TBX20: variants seen among roughly 807,000 people sequenced by gnomAD.
TBX20 encodes T-box transcription factor 20, also known as T-box transcription factor TBX20.
TBX20 carries 8 observed loss-of-function variants against 42.9 expected under a neutral mutation model. That is an observed-to-expected ratio of 0.19 (90% CI 0.11 to 0.34). The LOEUF is 0.34. Among genes scored for constraint, TBX20 ranks in the 10% least tolerant of loss-of-function variants. TBX20 has a pLI of 1.00. For missense variants in TBX20, 411 were observed against 566.0 expected, an observed-to-expected ratio of 0.73 and a Z score of 2.78; for synonymous variants, 198 against 222.8, an observed-to-expected ratio of 0.89 and a Z score of 0.99.
chr7:35,247,165 C>CAAAAAAAA (rs757916672), intron 3 of TBX20, among the ~76,000 whole-genome samples: 1 of 79,636 alleles, frequency 1.3e-5, no homozygotes. Context: ...GACTGGAGGG[C>CAAAAAAAA]AAAAAAAAAA....
intron 6 of TBX20, among the ~76,000 whole-genome samples, chr7:35,219,609 C>T (rs2020316): frequency 0.1 from 10,541 of 104,802 alleles, no homozygotes; most frequent in East Asian, 0.27. Flanking sequence ...TAAGGAAACA[C>T]GCTTTGAAAA....
At chr7:35,233,111 C>T (rs1317804501) in intron 5 of TBX20, among the ~76,000 whole-genome samples, 2 of 152,186 alleles carry the variant, frequency 1.3e-5, no homozygotes, top group East Asian at 1.9e-4. Flanking sequence ...ACTGTTAACA[C>T]GTGAGGAATT....
intron 1 of TBX20, among the ~76,000 whole-genome samples, chr7:35,252,560 G>A (rs945787673): frequency 2.6e-5 from 4 of 152,036 alleles, no homozygotes; most frequent in Non-Finnish European, 5.9e-5. Context: ...TTAAGTGTGG[G>A]AAGGACAGAG....
intron 4 of TBX20, among the ~76,000 whole-genome samples, chr7:35,241,792 C>A (rs1021712431): frequency 6.6e-6 from 1 of 152,196 alleles, no homozygotes; most frequent in Non-Finnish European, 1.5e-5. Context: ...CATAAACACA[C>A]CCTTGTTAAC....
chr7:35,240,514 G>C (rs2908053), intron 5 of TBX20, among the ~76,000 whole-genome samples: 2 of 152,298 alleles, frequency 1.3e-5, no homozygotes, highest in South Asian at 4.2e-4. Flanking sequence ...GTGTTTAATT[G>C]AGCAGAGAAA....
intron 6 of TBX20, among the ~76,000 whole-genome samples, chr7:35,206,335 G>A (rs1344579646): frequency 6.6e-6 from 1 of 152,206 alleles, no homozygotes; most frequent in Non-Finnish European, 1.5e-5. Flanking sequence ...ATCACCCAAG[G>A]TCAGGAGTTC....
chr7:35,234,061 T>C (rs1789917237), intron 5 of TBX20, among the ~76,000 whole-genome samples: 1 of 152,166 alleles, frequency 6.6e-6, no homozygotes, highest in South Asian at 2.1e-4. Context: ...ATTTATAAAA[T>C]TGAAAAGTAA....
At chr7:35,206,673 G>A (rs1221242203) in intron 6 of TBX20, among the ~76,000 whole-genome samples, 1 of 152,166 alleles carries the variant, frequency 6.6e-6, no homozygotes, top group Non-Finnish European at 1.5e-5. Context: ...GCTTCCTCAA[G>A]CTCCTATGCT....
intron 6 of TBX20, among the ~76,000 whole-genome samples, chr7:35,207,834 T>C (rs1207921): frequency 1 from 152,094 of 152,308 alleles, 75,942 homozygotes; most frequent in Middle Eastern, 1. Context: ...GTCTTGATTA[T>C]TGTAGCTGAA....
intron 5 of TBX20, 90 bp from the exon 6 acceptor site, chr7:35,231,670 A>T: frequency 2.4e-6 from 2 of 847,348 alleles, no homozygotes; most frequent in South Asian, 2.8e-5. Context: ...TAGCACACCA[A>T]GAATATCTTA....
chr7:35,252,545 A>C (rs1465056999), intron 1 of TBX20, among the ~76,000 whole-genome samples: 1 of 13,282 alleles, frequency 7.5e-5, no homozygotes, highest in East Asian at 2.0e-3. Flanking sequence ...TTTGGATGTG[A>C]TATGTTAAGT....
chr7:35,250,370 TGG>T (rs1790283072), intron 1 of TBX20, among the ~76,000 whole-genome samples, 167 bp from the exon 2 acceptor site: 1 of 152,200 alleles, frequency 6.6e-6, no homozygotes. Flanking sequence ...TAAAATTACC[TGG>T]GATTCCCACG....
chr7:35,204,069 T>C (rs913294819), intron 7 of TBX20, among the ~76,000 whole-genome samples: 71 of 152,166 alleles, frequency 4.7e-4, no homozygotes, highest in African/African-American at 1.7e-3. Flanking sequence ...TTCTAACAAA[T>C]TATACCTGAC....
At chr7:35,237,590 G>A (rs983979529) in intron 5 of TBX20, among the ~76,000 whole-genome samples, 1 of 139,042 alleles carries the variant, frequency 7.2e-6, no homozygotes, top group Non-Finnish European at 1.6e-5. Context: ...GGAAGAGGGA[G>A]GAAAGAGAAA....
chr7:35,243,029 T>C (rs1028122519), intron 4 of TBX20, among the ~76,000 whole-genome samples: 2 of 152,102 alleles, frequency 1.3e-5, no homozygotes, highest in African/African-American at 2.4e-5. Context: ...CCAGGCTGAA[T>C]TGCAGTGGCA....
intron 6 of TBX20, among the ~76,000 whole-genome samples, chr7:35,220,350 T>C (rs1214019015): frequency 6.6e-6 from 1 of 152,142 alleles, no homozygotes; most frequent in Non-Finnish European, 1.5e-5. Context: ...CATGGTGTAT[T>C]TGGCACACTG....
chr7:35,250,941 T>C (rs1216869304), intron 1 of TBX20, among the ~76,000 whole-genome samples: 2 of 152,150 alleles, frequency 1.3e-5, no homozygotes, highest in Non-Finnish European at 2.9e-5. Context: ...TTAGAACAAT[T>C]ACTTGAGGGG....
At chr7:35,217,227 C>A (rs2128711553) in intron 6 of TBX20, among the ~76,000 whole-genome samples, 1 of 152,096 alleles carries the variant, frequency 6.6e-6, no homozygotes, top group South Asian at 2.1e-4. Flanking sequence ...TTTGTATTAT[C>A]ATTAGAAACT....
intron 1 of TBX20, among the ~76,000 whole-genome samples, chr7:35,252,594 G>A (rs906880128): frequency 1.3e-5 from 2 of 151,874 alleles, no homozygotes; most frequent in African/African-American, 4.8e-5. Context: ...AATTGGGGAG[G>A]GTTAAAAAAG....
Sources: gnomAD v4.1 joint callset for allele counts (sites outside exome capture counted in the v4.1 genomes callset) on GRCh38, gnomAD v4.1.1 for gene constraint, MANE v1.5 for transcripts, NCBI Gene and HGNC (gene_info 2026-07-23, HGNC 2026-07-21) for gene names.